The following RYR3 variants were observed in gnomAD, a reference collection of about 807,000 sequenced individuals.
RYR3 encodes ryanodine receptor 3.
RYR3 carries 207 observed loss-of-function variants against 584.3 expected under a neutral mutation model. The ratio of observed to expected loss-of-function variants is 0.35; its 90% CI spans 0.32 to 0.40. The LOEUF (loss-of-function observed/expected upper bound fraction) is 0.40. Among genes scored for constraint, RYR3 ranks in the 10% least tolerant of loss-of-function variants. The pLI is 1.00. For synonymous variants in RYR3, 2,416 were observed against 2,248.5 expected, an observed-to-expected ratio of 1.07 and a Z score of -2.11; for missense variants, 5,616 against 6,089.2, an observed-to-expected ratio of 0.92 and a Z score of 2.59.
intron 1 of RYR3, among the ~76,000 whole-genome samples, chr15:33,414,902 C>T (rs943140427): frequency 6.6e-6 from 1 of 152,094 alleles, no homozygotes; most frequent in African/African-American, 2.4e-5. Flanking sequence ...TTAATAAGTA[C>T]TTTGTGTGGT....
intron 81 of RYR3, among the ~76,000 whole-genome samples, chr15:33,823,654 T>G (rs1407979753): frequency 6.6e-6 from 1 of 152,212 alleles, no homozygotes; most frequent in Admixed American, 6.5e-5. Context: ...TTAAGCTGTT[T>G]AAGCCACCCC....
At chr15:33,644,267 A>T (rs1035199380) in intron 27 of RYR3, 44 bp from the exon 28 acceptor site, 7 of 1,517,228 alleles carry the variant, frequency 4.6e-6, no homozygotes, top group Non-Finnish European at 6.3e-6. Flanking sequence ...GTTTCCTGGG[A>T]TGGTGCCTTC....
intron 28 of RYR3, among the ~76,000 whole-genome samples, chr15:33,645,455 A>G (rs1416750358): frequency 6.6e-6 from 1 of 152,040 alleles, no homozygotes; most frequent in Non-Finnish European, 1.5e-5. Context: ...GCAAGCATCA[A>G]CCTTAATGCC....
intron 45 of RYR3, among the ~76,000 whole-genome samples, chr15:33,725,154 TACACACACACACACACACAC>T (rs58951939): frequency 1.4e-4 from 16 of 113,846 alleles, no homozygotes; most frequent in South Asian, 4.1e-4. Context: ...TCCAACACCT[TACACACACACACACACACAC>T]ACACACACAC....
intron 3 of RYR3, among the ~76,000 whole-genome samples, chr15:33,522,760 A>T (rs2054099223): frequency 6.6e-6 from 1 of 152,116 alleles, no homozygotes; most frequent in African/African-American, 2.4e-5. Flanking sequence ...GGCTACCTGT[A>T]CTTAGCGAGC....
chr15:33,542,795 C>G (rs769576135), intron 7 of RYR3, among the ~76,000 whole-genome samples: 4 of 152,198 alleles, frequency 2.6e-5, no homozygotes, highest in South Asian at 4.1e-4. Context: ...TGAGAACAGA[C>G]TAACCTGGAG....
intron 10 of RYR3, among the ~76,000 whole-genome samples, chr15:33,555,348 A>G (rs1285078944): frequency 6.6e-6 from 1 of 152,190 alleles, no homozygotes; most frequent in Non-Finnish European, 1.5e-5. Flanking sequence ...AAGGGAGGGT[A>G]TGGAGCAAAG....
At chr15:33,739,786 A>C in intron 50 of RYR3, 46 bp from the exon 51 acceptor site, 2 of 1,548,214 alleles carry the variant, frequency 1.3e-6, no homozygotes, top group African/African-American at 2.7e-5. Flanking sequence ...GTCTAAAGGC[A>C]TGGTTCTGCT....
chr15:33,865,309 CTGAAATGTGACATTTT>C lies in RYR3; in HGVS notation c.*84_*99del. 1 of 903,718 alleles carries C rather than the reference CTGAAATGTGACATTTT, an allele frequency of 1.1e-6. No individual in the cohort carries two copies. Among genetic ancestry groups the C allele is most frequent in the Non-Finnish European group, 1.7e-6 (1 of 583,298 alleles). The allele number at this position is 903,718 out of a possible 1,614,324, so 56.0% of individuals were successfully genotyped here. On this transcript the variant is annotated 3_prime_UTR_variant, in exon 104 of 104. Transcript: ENST00000634891. ...CCCTTTTTACAGTTCTGCAACATAT[CTGAAATGTGACATTTT>C]CTAAATGCCTCCCTTAAAAAAAAAA...
At position 33,696,408 on chromosome 15, in the gene RYR3, G is replaced by T; in HGVS notation, c.6051G>T (p.Leu2017=). Reference sequence around the variant, plus strand: ...CCTCTGTAAGCGACACCATCAACCTGCTGGCTGCCCTGGGCCAAATCCGCT... The same window carrying T: ...CCTCTGTAAGCGACACCATCAACCTTCTGGCTGCCCTGGGCCAAATCCGCT... ...SHTSVSDTIN[L]LAALGQIRSL... The change falls in exon 39 of 104, where the codon CTG becomes CTT. Residue 2017 remains leucine (L), a synonymous_variant. Transcript: ENST00000634891. 1 of 1,613,904 alleles carries T rather than the reference G, an allele frequency of 6.2e-7. No homozygotes were observed. Among genetic ancestry groups the T allele is most frequent in the Non-Finnish European group, 8.5e-7 (1 of 1,179,874 alleles).
intron 18 of RYR3, among the ~76,000 whole-genome samples, chr15:33,605,176 A>G (rs1178855969): frequency 6.6e-6 from 1 of 152,208 alleles, no homozygotes; most frequent in Non-Finnish European, 1.5e-5. Flanking sequence ...ACAGCACTGC[A>G]TGGGGCACTT....
At chr15:33,376,480 A>G (rs986558622) in intron 1 of RYR3, among the ~76,000 whole-genome samples, 3 of 152,164 alleles carry the variant, frequency 2.0e-5, no homozygotes, top group Non-Finnish European at 2.9e-5. Flanking sequence ...ATAATTTTCA[A>G]ATTTGTCTCA....
intron 38 of RYR3, among the ~76,000 whole-genome samples, chr15:33,678,765 G>C (rs1566937351): frequency 6.6e-6 from 1 of 152,246 alleles, no homozygotes; most frequent in Non-Finnish European, 1.5e-5. Flanking sequence ...CTGACAGCCA[G>C]TGCCTGTTCC....
At chr15:33,663,202 A>AC (rs1270646586) in intron 35 of RYR3, among the ~76,000 whole-genome samples, 11 of 152,324 alleles carry the variant, frequency 7.2e-5, no homozygotes, top group African/African-American at 2.6e-4. Context: ...AGAAGGACAA[A>AC]CATCTCTACT....
intron 1 of RYR3, among the ~76,000 whole-genome samples, chr15:33,362,459 C>G (rs1441639800): frequency 6.6e-6 from 1 of 152,170 alleles, no homozygotes; most frequent in Non-Finnish European, 1.5e-5. Context: ...TCAGCATCAT[C>G]ATCTCATCAC....
At chr15:33,508,631 C>A (rs1269178555) in intron 3 of RYR3, among the ~76,000 whole-genome samples, 2 of 152,140 alleles carry the variant, frequency 1.3e-5, no homozygotes, top group African/African-American at 4.8e-5. Flanking sequence ...GACTGGGCGA[C>A]AGAGCAAGTC....
At chr15:33,862,579 T>TTTTTGCTGGGGGATGAG (rs1382730295) in intron 102 of RYR3, among the ~76,000 whole-genome samples, 2 of 152,080 alleles carry the variant, frequency 1.3e-5, no homozygotes. Context: ...AGATAACATG[T>TTTTTGCTGGGGGATGAG]TTTTGCTGGG....
intron 18 of RYR3, among the ~76,000 whole-genome samples, chr15:33,610,428 A>C (rs527574275): frequency 7.2e-5 from 11 of 152,172 alleles, no homozygotes; most frequent in Non-Finnish European, 7.3e-5. Context: ...TGGGCTTCTT[A>C]AGAGCACGAG....
At chr15:33,511,999 T>G (rs1026482601) in intron 3 of RYR3, among the ~76,000 whole-genome samples, 1 of 152,088 alleles carries the variant, frequency 6.6e-6, no homozygotes, top group African/African-American at 2.4e-5. Context: ...AGGATGGTCT[T>G]GATCTCCTGA....
Sources: gnomAD v4.1 joint callset for allele counts (sites outside exome capture counted in the v4.1 genomes callset) on GRCh38, gnomAD v4.1.1 for gene constraint, MANE v1.5 for transcripts, NCBI Gene and HGNC (gene_info 2026-07-23, HGNC 2026-07-21) for gene names.